FSAF1: variants seen among roughly 807,000 people sequenced by gnomAD.
FSAF1 encodes the protein 40S small subunit processome assembly factor 1.
chr1:231,227,585 GTT>G, the FSAF1 span, among the ~76,000 whole-genome samples: 17 of 102,100 alleles, frequency 1.7e-4, 1 homozygote, highest in South Asian at 1.7e-3. Flanking sequence ...CTCGCCCACG[GTT>G]TTTTTTTTTT....
At chr1:231,238,950 A>G in the FSAF1 span, 2 of 1,614,154 alleles carry the variant, frequency 1.2e-6, no homozygotes, top group Non-Finnish European at 1.7e-6. Flanking sequence ...TCTTTAGGGA[A>G]GAGGGAGGAA....
At chr1:231,231,721 C>A in the FSAF1 span, among the ~76,000 whole-genome samples, 2 of 152,060 alleles carry the variant, frequency 1.3e-5, no homozygotes, top group Non-Finnish European at 2.9e-5. Context: ...AGGCTGAAAC[C>A]CCTGGGCCCT....
At chr1:231,239,041 C>G in the FSAF1 span, 15 of 1,614,018 alleles carry the variant, frequency 9.3e-6, no homozygotes, top group East Asian at 3.1e-4. Flanking sequence ...CTTGAAGAAG[C>G]TCGAAGCGCT....
At chr1:231,224,226 G>GC in the FSAF1 span, 2 of 1,567,948 alleles carry the variant, frequency 1.3e-6, no homozygotes, top group East Asian at 4.5e-5. Context: ...AGGGTCCAGG[G>GC]CCGCTGCAGT....
chr1:231,241,129 A>T, the FSAF1 span: 1 of 1,612,472 alleles, frequency 6.2e-7, no homozygotes, highest in Non-Finnish European at 8.5e-7. Flanking sequence ...TCAGCCGAGG[A>T]ATCAACCCTC....
chr1:231,225,450 G>T, the FSAF1 span: 3 of 1,610,518 alleles, frequency 1.9e-6, no homozygotes, highest in Non-Finnish European at 2.5e-6. Flanking sequence ...TTCAACCCCA[G>T]GACCTGATAA....
At chr1:231,226,388 C>G in the FSAF1 span, 4 of 300,182 alleles carry the variant, frequency 1.3e-5, no homozygotes, top group Non-Finnish European at 2.5e-5. Context: ...TTCAGATGCT[C>G]ACCGGAGGCC....
chr1:231,231,313 G>A, the FSAF1 span, among the ~76,000 whole-genome samples: 1 of 152,078 alleles, frequency 6.6e-6, no homozygotes, highest in African/African-American at 2.4e-5. Flanking sequence ...CCACTGCCAT[G>A]CACATCTAAT....
the FSAF1 span, chr1:231,224,869 T>A: frequency 5.8e-6 from 1 of 171,988 alleles, no homozygotes; most frequent in Non-Finnish European, 1.3e-5. Flanking sequence ...TTTAGTGTGA[T>A]TACAGCTGTA....
chr1:231,231,197 G>A, the FSAF1 span, among the ~76,000 whole-genome samples: 3 of 152,178 alleles, frequency 2.0e-5, no homozygotes, highest in East Asian at 5.8e-4. Context: ...ATAGCACGGA[G>A]GACTCTGTGT....
the FSAF1 span, among the ~76,000 whole-genome samples, chr1:231,229,512 T>A: frequency 6.6e-6 from 1 of 152,218 alleles, no homozygotes; most frequent in Non-Finnish European, 1.5e-5. Context: ...CTTCTGGGCA[T>A]ATACCCAAAA....
the FSAF1 span, chr1:231,239,211 G>A: frequency 5.9e-6 from 9 of 1,514,516 alleles, no homozygotes; most frequent in Non-Finnish European, 1.8e-6. Flanking sequence ...ACACAAGAAG[G>A]AAAATAAATA....
chr1:231,226,612 G>A, the FSAF1 span: 1 of 838,580 alleles, frequency 1.2e-6, no homozygotes, highest in Non-Finnish European at 2.0e-6. Flanking sequence ...GAAGAAATGG[G>A]GAGCATGGGA....
chr1:231,229,175 T>C, the FSAF1 span: 3 of 1,584,186 alleles, frequency 1.9e-6, no homozygotes, highest in Non-Finnish European at 2.6e-6. Context: ...TTCTTGTGTA[T>C]CCACATCTCT....
chr1:231,238,737 T>A, the FSAF1 span: 1 of 979,944 alleles, frequency 1.0e-6, no homozygotes, highest in Non-Finnish European at 1.5e-6. Context: ...GTGAGTCCTT[T>A]TGGCAAATCT....
At chr1:231,239,581 T>C in the FSAF1 span, among the ~76,000 whole-genome samples, 2 of 152,256 alleles carry the variant, frequency 1.3e-5, no homozygotes, top group Admixed American at 6.5e-5. Flanking sequence ...AGTCTTCCTA[T>C]TTTCTTTCAC....
the FSAF1 span, among the ~76,000 whole-genome samples, chr1:231,232,459 G>A: frequency 6.6e-5 from 10 of 152,282 alleles, no homozygotes; most frequent in East Asian, 1.9e-3. Context: ...CCAGATGGTG[G>A]CACCCCGTCA....
At chr1:231,225,689 C>A in the FSAF1 span, 1 of 671,948 alleles carries the variant, frequency 1.5e-6, no homozygotes. Context: ...AAAACCCTTT[C>A]AAGAATGTGA....
chr1:231,230,720 G>A, the FSAF1 span, among the ~76,000 whole-genome samples: 4 of 152,284 alleles, frequency 2.6e-5, no homozygotes, highest in South Asian at 4.1e-4. Context: ...AGGTGTGTGG[G>A]TTCAGACAGT....
Sources: gnomAD v4.1 joint callset for allele counts (sites outside exome capture counted in the v4.1 genomes callset) on GRCh38, gnomAD v4.1.1 for gene constraint, MANE v1.5 for transcripts, NCBI Gene and HGNC (gene_info 2026-07-23, HGNC 2026-07-21) for gene names.